Variants in DGKI observed in about 807,000 individuals in gnomAD.
The protein encoded by DGKI is DAG kinase iota.
In DGKI, 55 loss-of-function variants were observed where a neutral mutation model predicts 147.5. The observed-to-expected ratio is 0.37, with a 90% CI of 0.30 to 0.47. The LOEUF (loss-of-function observed/expected upper bound fraction) is 0.47, where lower values mean the gene tolerates loss of function less well. DGKI is among the 20% of genes least tolerant of loss of function. The pLI is 1.00. For missense variants in DGKI, 1,007 were observed against 1,323.8 expected (o/e 0.76, Z 3.71); for synonymous variants, 469 against 477.1 (o/e 0.98, Z 0.22).
intron 28 of DGKI, among the ~76,000 whole-genome samples, chr7:137,443,319 A>G (rs953114229): frequency 4.6e-5 from 7 of 152,218 alleles, no homozygotes; most frequent in Non-Finnish European, 1.0e-4. Flanking sequence ...CCCGGTATAC[A>G]GTGTACTAGG....
chr7:137,829,883 G>C (rs771052057), intron 1 of DGKI, among the ~76,000 whole-genome samples: 6 of 152,168 alleles, frequency 3.9e-5, no homozygotes, highest in Non-Finnish European at 7.3e-5. Flanking sequence ...ACTAGCAGCA[G>C]GGTCAAAAGG....
chr7:137,577,267 G>A lies in DGKI; in HGVS notation c.1716C>T (p.Phe572=), dbSNP rs1400651458. 1 of 1,600,644 alleles carries A rather than the reference G, an allele frequency of 6.2e-7. No individual in the cohort carries two copies. The highest frequency in any genetic ancestry group is 8.5e-7 in the Non-Finnish European group (1 of 1,171,280). Residue 572 remains phenylalanine, a synonymous_variant, in exon 17 of 33, where the codon TTC becomes TTT. Coordinates refer to ENST00000614521, the MANE Select transcript of DGKI (RefSeq NM_001321708.2). ...MFYAGAAFSD[F]LQRSSRDLSK... Reference sequence around the variant, plus strand: ...ATAGATCTCTAGAACTTCTCTGTAGGAAGTCAGAAAAAGCTGCCTATACCA... The same window carrying A: ...ATAGATCTCTAGAACTTCTCTGTAGAAAGTCAGAAAAAGCTGCCTATACCA...
At chr7:137,820,188 A>C in intron 1 of DGKI, among the ~76,000 whole-genome samples, 1 of 152,200 alleles carries the variant, frequency 6.6e-6, no homozygotes, top group East Asian at 1.9e-4. Flanking sequence ...ATACAGAGAA[A>C]AAAGATGAAG....
chr7:137,437,119 G>C (rs1033940256), intron 28 of DGKI, among the ~76,000 whole-genome samples: 1 of 152,170 alleles, frequency 6.6e-6, no homozygotes, highest in Non-Finnish European at 1.5e-5. Context: ...GACTATCTCT[G>C]TTACTAGTCA....
rs911426958 is a variant in DGKI, at chr7:137,463,373, A to G, written c.2735+116T>C. ...GAAAACACAGAGTAGCACCTGCATG[A>G]GACAGCCTGAGCGCCATTGAAAAGA... On this transcript the variant is annotated intron_variant, in intron 27 of 32. Transcript: ENST00000614521. The G allele has an allele frequency of 7.7e-6, 11 of 1,427,376 alleles. No homozygotes were observed. In the African/African-American group the frequency reaches 1.6e-4, roughly 20 times the overall value. The allele number at this position is 1,427,376 out of a possible 1,614,324, so 88.4% of individuals were successfully genotyped here. A position where few individuals can be genotyped will look rare whatever the true frequency, so the allele number is the denominator to read the frequency against.
At chr7:137,788,799 TGGATTAA>T (rs1796758303) in intron 1 of DGKI, among the ~76,000 whole-genome samples, 1 of 152,156 alleles carries the variant, frequency 6.6e-6, no homozygotes, top group African/African-American at 2.4e-5. Context: ...GGGAGTTAAG[TGGATTAA>T]GTGCCCCTGT....
intron 21 of DGKI, among the ~76,000 whole-genome samples, chr7:137,488,923 T>C (rs576995752): frequency 2.0e-5 from 3 of 152,224 alleles, no homozygotes; most frequent in Non-Finnish European, 2.9e-5. Flanking sequence ...CTTGCCTGGG[T>C]GAAGGGGTAG....
At chr7:137,742,819 AATTT>A (rs754286703) in intron 1 of DGKI, among the ~76,000 whole-genome samples, 45 of 152,348 alleles carry the variant, frequency 3.0e-4, no homozygotes, top group Non-Finnish European at 4.7e-4. Flanking sequence ...TGCATAATGG[AATTT>A]ATTACAAAAG....
At chr7:137,747,441 C>T (rs1854680762) in intron 1 of DGKI, among the ~76,000 whole-genome samples, 1 of 152,044 alleles carries the variant, frequency 6.6e-6, no homozygotes, top group Admixed American at 6.5e-5. Context: ...CAGAAAATAC[C>T]CTCTCCATAG....
chr7:137,462,395 G>A (rs1485692349), intron 27 of DGKI, among the ~76,000 whole-genome samples: 1 of 152,124 alleles, frequency 6.6e-6, no homozygotes, highest in Non-Finnish European at 1.5e-5. Context: ...AAAATCCATA[G>A]TAATTCATTG....
chr7:137,713,667 G>T (rs907444882), intron 1 of DGKI, among the ~76,000 whole-genome samples: 3 of 151,916 alleles, frequency 2.0e-5, no homozygotes, highest in African/African-American at 7.3e-5. Flanking sequence ...TTAGAGACAG[G>T]GTCTCTTTTT....
chr7:137,394,491 C>T (rs1433108804), intron 32 of DGKI, among the ~76,000 whole-genome samples: 2 of 152,146 alleles, frequency 1.3e-5, no homozygotes, highest in Non-Finnish European at 1.5e-5. Flanking sequence ...TTCAACTCTA[C>T]TAAGCTACAA....
chr7:137,505,343 G>A (rs1453453658), intron 21 of DGKI, among the ~76,000 whole-genome samples: 1 of 152,018 alleles, frequency 6.6e-6, no homozygotes, highest in Non-Finnish European at 1.5e-5. Context: ...CTTTGTCTCA[G>A]CAAGGCTCAC....
At chr7:137,793,298 C>CTT (rs1268908964) in intron 1 of DGKI, among the ~76,000 whole-genome samples, 2 of 144,412 alleles carry the variant, frequency 1.4e-5, no homozygotes, top group African/African-American at 2.7e-5. Flanking sequence ...ATTTTGCTGC[C>CTT]TTTTTTTTGT....
Position 137,524,804 on chromosome 7 carries a change from C to T in DGKI, c.2148-2838G>A, listed in dbSNP as rs534520972. On this transcript the variant is annotated intron_variant, in intron 20 of 32. Coordinates refer to ENST00000614521, the MANE Select transcript of DGKI (RefSeq NM_001321708.2). ...TCTAATGGCAGTGGGCTTCAGTCTTCTCTACTGGGCTGGAGGTATCAGGAC... is the reference window on the plus strand; with the variant it reads ...TCTAATGGCAGTGGGCTTCAGTCTTTTCTACTGGGCTGGAGGTATCAGGAC... 5.9e-5 allele frequency among the ~76,000 whole-genome samples: 9 copies of T among 152,244 alleles called. No homozygotes were observed. In the South Asian group the frequency reaches 1.9e-3, roughly 32 times the overall value.
chr7:137,430,910 G>A (rs1813045931), intron 28 of DGKI, among the ~76,000 whole-genome samples: 1 of 152,080 alleles, frequency 6.6e-6, no homozygotes, highest in African/African-American at 2.4e-5. Flanking sequence ...AGGGGAGTGT[G>A]AGGCCAAAGA....
At chr7:137,828,089 C>A (rs990355444) in intron 1 of DGKI, among the ~76,000 whole-genome samples, 5 of 152,222 alleles carry the variant, frequency 3.3e-5, no homozygotes, top group African/African-American at 1.2e-4. Context: ...AGCCTGTAGA[C>A]AGGTCAATGT....
chr7:137,494,566 C>T (rs987971074), intron 21 of DGKI, among the ~76,000 whole-genome samples: 1 of 152,090 alleles, frequency 6.6e-6, no homozygotes, highest in Admixed American at 6.5e-5. Context: ...TATATTTAGC[C>T]AAACTACACT....
chr7:137,581,448 T>G (rs1819188963), intron 15 of DGKI, among the ~76,000 whole-genome samples: 2 of 152,140 alleles, frequency 1.3e-5, no homozygotes, highest in Non-Finnish European at 2.9e-5. Context: ...GGTTGTGTAG[T>G]ATTGCACTTT....
Sources: allele counts gnomAD v4.1 joint callset (sites outside exome capture counted in the v4.1 genomes callset), GRCh38; gene constraint gnomAD v4.1.1; transcripts MANE v1.5; gene names NCBI Gene and HGNC (gene_info 2026-07-23, HGNC 2026-07-21).